The following ERC2 variants were observed in gnomAD, a reference collection of about 807,000 sequenced individuals.
ERC2 encodes ERC protein 2.
ERC2 carries 42 observed loss-of-function variants against 114.8 expected under a neutral mutation model. The observed-to-expected ratio is 0.37, with a 90% CI of 0.29 to 0.47. ERC2 has a LOEUF of 0.47. ERC2 is among the 20% of genes least tolerant of loss of function. The pLI is 0.99. For synonymous variants in ERC2, 454 were observed against 425.5 expected (o/e 1.07, Z -0.82); for missense variants, 939 against 1,150.7 (o/e 0.82, Z 2.66).
intron 14 of ERC2, among the ~76,000 whole-genome samples, chr3:55,809,689 A>C (rs1358863360): frequency 1.3e-5 from 2 of 152,184 alleles, no homozygotes; most frequent in South Asian, 2.1e-4. Context: ...TTTGTCTATC[A>C]ACACAACCAA....
chr3:56,298,526 T>C (rs973775093), intron 2 of ERC2, among the ~76,000 whole-genome samples: 2 of 152,096 alleles, frequency 1.3e-5, no homozygotes, highest in African/African-American at 4.8e-5. Flanking sequence ...GGAATATTAT[T>C]CAGCCATAAA....
intron 7 of ERC2, among the ~76,000 whole-genome samples, chr3:56,023,774 TGAAG>T (rs58820385): frequency 2.0e-4 from 27 of 131,874 alleles, no homozygotes; most frequent in Middle Eastern, 3.6e-3. Context: ...AAAAAAGGAA[TGAAG>T]GAAGGAAGGA....
intron 14 of ERC2, among the ~76,000 whole-genome samples, chr3:55,849,301 G>A (rs1404500670): frequency 2.0e-5 from 3 of 152,130 alleles, no homozygotes; most frequent in African/African-American, 7.2e-5. Context: ...AGGAAGTGCT[G>A]ACTCCTAAAA....
At chr3:55,987,817 T>A (rs2070749289) in intron 11 of ERC2, among the ~76,000 whole-genome samples, 1 of 152,152 alleles carries the variant, frequency 6.6e-6, no homozygotes, top group African/African-American at 2.4e-5. Context: ...TCCAACCAGA[T>A]AATTAAGTGG....
At chr3:55,679,094 G>A (rs980283865) in intron 17 of ERC2, among the ~76,000 whole-genome samples, 2 of 152,138 alleles carry the variant, frequency 1.3e-5, no homozygotes, top group African/African-American at 4.8e-5. Flanking sequence ...AAACTCCTCT[G>A]ATGTCTGCTC....
intron 15 of ERC2, among the ~76,000 whole-genome samples, chr3:55,704,876 T>C (rs1237327151): frequency 6.6e-6 from 1 of 152,212 alleles, no homozygotes; most frequent in Non-Finnish European, 1.5e-5. Flanking sequence ...CCAAGAATAA[T>C]TATGTGCCAG....
intron 17 of ERC2, among the ~76,000 whole-genome samples, chr3:55,641,790 A>G (rs907758845): frequency 4.7e-4 from 71 of 152,272 alleles, no homozygotes; most frequent in African/African-American, 1.4e-3. Flanking sequence ...TTTCAACTTT[A>G]GGTGCCTTAG....
intron 3 of ERC2, among the ~76,000 whole-genome samples, chr3:56,262,748 G>A (rs1213994190): frequency 6.6e-6 from 1 of 152,176 alleles, no homozygotes; most frequent in East Asian, 1.9e-4. Context: ...CCAATCTAAA[G>A]TTACTAACTT....
chr3:56,235,380 C>T (rs1371526793), intron 3 of ERC2, among the ~76,000 whole-genome samples: 1 of 152,146 alleles, frequency 6.6e-6, no homozygotes, highest in Non-Finnish European at 1.5e-5. Flanking sequence ...AGAGTGAAGT[C>T]ACAAAATGAA....
intron 1 of ERC2, among the ~76,000 whole-genome samples, chr3:56,445,824 A>G (rs2107481832): frequency 6.6e-6 from 1 of 152,080 alleles, no homozygotes; most frequent in Non-Finnish European, 1.5e-5. Flanking sequence ...CACTTACATG[A>G]TAGTTTCAAT....
Position 55,602,522 on chromosome 3 carries a change from A to G in ERC2, c.*39+81272T>C, listed in dbSNP as rs933712376. 5.3e-5 allele frequency among the ~76,000 whole-genome samples: 8 copies of G among 152,306 alleles called. No individual in the cohort carries two copies. In the South Asian group the frequency reaches 8.3e-4, roughly 16 times the overall value. ...GTCATGCTAGGACAGTGCATCTACT[A>G]TTAGTGGACACTTGGAAATCTCAGT... is the stretch of plus-strand genomic sequence containing the variant. On this transcript the variant is annotated intron_variant, in intron 17 of 17. Coordinates refer to ENST00000288221, the MANE Select transcript of ERC2 (RefSeq NM_015576.3).
At chr3:56,042,868 T>C (rs1442722755) in intron 7 of ERC2, among the ~76,000 whole-genome samples, 2 of 152,140 alleles carry the variant, frequency 1.3e-5, no homozygotes, top group African/African-American at 4.8e-5. Flanking sequence ...AATTTTTCCT[T>C]TAGACATAAA....
At position 55,905,443 on chromosome 3, in the gene ERC2, C is replaced by CGT. The variant is rs1331751056; in HGVS notation, c.2404-16896_2404-16895dup. Among the ~76,000 whole-genome samples, 4 of 149,818 alleles carry CGT rather than the reference C, an allele frequency of 2.7e-5. 1 individual carries two copies. In the South Asian group the frequency reaches 6.3e-4, roughly 24 times the overall value. On this transcript the variant is annotated intron_variant, in intron 13 of 17. Transcript: ENST00000288221. ...TAGTGGTGGTGGTGGTGGTGGTGGT[C>CGT]GTGTGTGTGTGCAGCATCCCTCCCG... is the stretch of plus-strand genomic sequence containing the variant.
intron 14 of ERC2, among the ~76,000 whole-genome samples, chr3:55,855,011 C>T (rs558547104): frequency 6.6e-6 from 1 of 152,218 alleles, no homozygotes; most frequent in East Asian, 1.9e-4. Context: ...GTATGATAAG[C>T]CCCCCATTAT....
intron 17 of ERC2, among the ~76,000 whole-genome samples, chr3:55,674,581 T>C (rs2061698914): frequency 1.3e-5 from 2 of 152,208 alleles, no homozygotes; most frequent in Admixed American, 1.3e-4. Context: ...GATTATTATT[T>C]CAGGGCCTCG....
chr3:55,741,647 A>G (rs984385587), intron 14 of ERC2, among the ~76,000 whole-genome samples: 1 of 152,190 alleles, frequency 6.6e-6, no homozygotes, highest in African/African-American at 2.4e-5. Context: ...AGTAGGTTTA[A>G]GTATATACCA....
intron 2 of ERC2, among the ~76,000 whole-genome samples, chr3:56,397,231 C>T (rs1369103529): frequency 1.3e-5 from 2 of 152,028 alleles, no homozygotes; most frequent in Non-Finnish European, 1.5e-5. Context: ...CACCTGTAGT[C>T]CCAGCTACTT....
At chr3:55,539,411 C>CTTTTTTTTTTTTTTTT (rs1559619170) in intron 17 of ERC2, among the ~76,000 whole-genome samples, 6 of 49,066 alleles carry the variant, frequency 1.2e-4, no homozygotes, top group East Asian at 1.7e-3. Context: ...CTCTTTTTTT[C>CTTTTTTTTTTTTTTTT]TTTCTTTTTT....
intron 3 of ERC2, among the ~76,000 whole-genome samples, chr3:56,189,402 G>A (rs1397024946): frequency 3.3e-5 from 5 of 152,278 alleles, no homozygotes; most frequent in South Asian, 2.1e-4. Context: ...CTAAAATGTG[G>A]TGTCAAGAAC....
Sources: gnomAD v4.1 joint callset for allele counts (sites outside exome capture counted in the v4.1 genomes callset) on GRCh38, gnomAD v4.1.1 for gene constraint, MANE v1.5 for transcripts, NCBI Gene and HGNC (gene_info 2026-07-23, HGNC 2026-07-21) for gene names.